The following DYNC2H1 variants were observed in gnomAD, a reference collection of about 807,000 sequenced individuals.
The protein encoded by DYNC2H1 is dynein cytoplasmic 2 heavy chain 1, also known as cytoplasmic dynein 2 heavy chain 1.
Under a neutral mutation model 570.0 loss-of-function variants are expected in DYNC2H1, and 410 were observed. That is an observed-to-expected ratio of 0.72 (90% CI 0.66 to 0.78). The LOEUF is 0.78. Among genes scored for constraint, DYNC2H1 ranks in the 30% least tolerant of loss-of-function variants. The pLI is 0.00. For synonymous variants in DYNC2H1, 1,688 were observed against 1,677.6 expected (o/e 1.01, Z -0.15); for missense variants, 4,865 against 5,046.4 (o/e 0.96, Z 1.09).
chr11:103,350,651 G>T (rs1351758882), intron 82 of DYNC2H1, among the ~76,000 whole-genome samples: 2 of 152,202 alleles, frequency 1.3e-5, no homozygotes, highest in Admixed American at 1.3e-4. Flanking sequence ...TTGGGGGCTA[G>T]AAGTCTGAAA....
At chr11:103,235,287 A>G (rs1864178646) in intron 61 of DYNC2H1, among the ~76,000 whole-genome samples, 1 of 151,838 alleles carries the variant, frequency 6.6e-6, no homozygotes, top group Non-Finnish European at 1.5e-5. Flanking sequence ...TTTATTTACA[A>G]TAACCTTTTT....
Position 103,116,245 on chromosome 11 carries a change from G to A in DYNC2H1, c.622-325G>A, listed in dbSNP as rs1858388044. ...TGAATAAAGACATGCGAACTACAGT[G>A]GGTAGTGTATATGTGGAGTTGAGAT... On this transcript the variant is annotated intron_variant, in intron 4 of 88. Coordinates refer to ENST00000375735, the MANE Select transcript of DYNC2H1 (RefSeq NM_001377.3). Among the ~76,000 whole-genome samples, 3 of 152,106 alleles carry A rather than the reference G, an allele frequency of 2.0e-5. No individual in the cohort carries two copies. The South Asian group carries it at 6.2e-4, about 32-fold the overall frequency.
intron 75 of DYNC2H1, among the ~76,000 whole-genome samples, chr11:103,288,320 A>C (rs1866433258): frequency 6.6e-6 from 1 of 152,086 alleles, no homozygotes; most frequent in Non-Finnish European, 1.5e-5. Context: ...ATTAAAACTG[A>C]GGTAATTATG....
intron 86 of DYNC2H1, 118 bp downstream of exon 86, chr11:103,455,413 T>C (rs1944753120): frequency 1.3e-6 from 1 of 791,100 alleles, no homozygotes; most frequent in Admixed American, 2.2e-5. Context: ...GAAACACAGT[T>C]ATGTTATTTT....
intron 75 of DYNC2H1, among the ~76,000 whole-genome samples, chr11:103,294,059 A>G (rs1438995758): frequency 6.6e-6 from 1 of 152,226 alleles, no homozygotes; most frequent in African/African-American, 2.4e-5. Flanking sequence ...AGCCTGGGCT[A>G]GTGAGAGTGT....
intron 72 of DYNC2H1, 143 bp downstream of exon 72, chr11:103,282,372 A>C: frequency 4.3e-6 from 3 of 696,628 alleles, no homozygotes; most frequent in Non-Finnish European, 7.1e-6. Flanking sequence ...TGGCCTCTTA[A>C]GTATTTCCTA....
rs1210943469 is a variant in DYNC2H1, at chr11:103,228,846, C to T, written c.9354-2414C>T. On this transcript the variant is annotated intron_variant, in intron 59 of 88. Coordinates refer to ENST00000375735, the MANE Select transcript of DYNC2H1 (RefSeq NM_001377.3). This position sits in a 1 kb window ranked among gnomAD's most constrained non-coding sequence, Gnocchi z 6.1. ...GCTACCAGGGTGGGTAGAGAAAGAACACCTGGTGGGGGCAGGGATAGATGT... is the reference window on the plus strand; with the variant it reads ...GCTACCAGGGTGGGTAGAGAAAGAATACCTGGTGGGGGCAGGGATAGATGT... Among the ~76,000 whole-genome samples, 1 of 152,114 alleles carries T rather than the reference C, an allele frequency of 6.6e-6. No homozygotes were observed. Among genetic ancestry groups the T allele is most frequent in the Admixed American group, 6.6e-5 (1 of 15,266 alleles).
intron 60 of DYNC2H1, among the ~76,000 whole-genome samples, chr11:103,232,614 A>G (rs557987114): frequency 1.3e-5 from 2 of 152,130 alleles, no homozygotes; most frequent in Non-Finnish European, 2.9e-5. Flanking sequence ...TAACAGTCTT[A>G]TTTTCTTATA....
intron 82 of DYNC2H1, among the ~76,000 whole-genome samples, chr11:103,351,707 CTG>C (rs1333651785): frequency 1.2e-4 from 19 of 152,044 alleles, no homozygotes; most frequent in Admixed American, 1.2e-3. Flanking sequence ...TTTCTTGAAT[CTG>C]TGTTCAGGAG....
chr11:103,348,484 T>C (rs1939868765), intron 82 of DYNC2H1, among the ~76,000 whole-genome samples: 1 of 152,140 alleles, frequency 6.6e-6, no homozygotes, highest in African/African-American at 2.4e-5. Flanking sequence ...CAACCACTGA[T>C]TTCTTTTTTA....
Position 103,399,849 on chromosome 11 carries a change from G to A in DYNC2H1, c.12343G>A (p.Ala4115Thr). The A allele has an allele frequency of 1.2e-6, 2 of 1,613,620 alleles. No individual in the cohort carries two copies. Among genetic ancestry groups the A allele is most frequent in the Admixed American group, 1.7e-5 (1 of 59,968 alleles). ...TLLSSEVQKL[A>T]SALLNQKCPL... ...ACTGAGTTCAGAAGTACAAAAATTG[G>A]CAAGTGCTTTATTAAACCAAAAGGT... The change falls in exon 84 of 89, where the codon GCA becomes ACA. Residue 4115 changes from alanine to threonine, a missense_variant. Ala to Thr is a moderately conservative substitution (Grantham distance 58). This residue lies in a region of DYNC2H1 where 2,401 missense variants were observed against 2,454.6 expected (regional missense o/e 0.98). Transcript: ENST00000375735.
At position 103,244,076 on chromosome 11, in the gene DYNC2H1, C is replaced by T. The variant is rs1400515122; in HGVS notation, c.9918+285C>T. Among the ~76,000 whole-genome samples the T allele has an allele frequency of 6.6e-6, 1 of 152,110 alleles. No individual in the cohort carries two copies. Among genetic ancestry groups the T allele is most frequent in the Non-Finnish European group, 1.5e-5 (1 of 67,990 alleles). ...TAGAGAAACAATTAAAGAAGCTTTGCACTACGTTATGACTAATGACACAAG... is the reference window on the plus strand; with the variant it reads ...TAGAGAAACAATTAAAGAAGCTTTGTACTACGTTATGACTAATGACACAAG... On this transcript the variant is annotated intron_variant, in intron 64 of 88. Transcript: ENST00000375735. This position sits in a 1 kb window ranked among gnomAD's most constrained non-coding sequence, Gnocchi z 4.3.
chr11:103,235,963 A>G, intron 62 of DYNC2H1, 150 bp downstream of exon 62: 1 of 966,542 alleles, frequency 1.0e-6, no homozygotes, highest in Non-Finnish European at 1.4e-6. Context: ...AGGATACCCT[A>G]GCTACTTTAG....
At chr11:103,307,677 C>T (rs993228542) in intron 77 of DYNC2H1, 44 bp from the exon 78 acceptor site, 9 of 1,047,752 alleles carry the variant, frequency 8.6e-6, no homozygotes, top group Non-Finnish European at 1.2e-5. Flanking sequence ...GAGAAACTTT[C>T]ATATATATTT....
chr11:103,467,614 T>C (rs1340216916), intron 87 of DYNC2H1, among the ~76,000 whole-genome samples: 9 of 152,196 alleles, frequency 5.9e-5, no homozygotes, highest in Non-Finnish European at 1.5e-5. Flanking sequence ...CTCGGCTCAC[T>C]GCAAGCTCCG....
rs146333530 is a variant in DYNC2H1 at position 103,466,451 on chromosome 11, A to C, written c.12649-2138A>C. 5.0e-3 allele frequency among the ~76,000 whole-genome samples: 757 copies of C among 152,306 alleles called. 6 individuals carry two copies. The highest frequency in any genetic ancestry group is 0.017 in the African/African-American group (706 of 41,576). ...ACCCTGAAATTAAAGATACCATAGAAAGTGAAAACACAGGCCACAGACTAG... is the reference window on the plus strand; with the variant it reads ...ACCCTGAAATTAAAGATACCATAGACAGTGAAAACACAGGCCACAGACTAG... On this transcript the variant is annotated intron_variant, in intron 87 of 88. Coordinates refer to ENST00000375735, the MANE Select transcript of DYNC2H1 (RefSeq NM_001377.3).
intron 63 of DYNC2H1, among the ~76,000 whole-genome samples, chr11:103,237,828 AT>A (rs1341244988): frequency 2.0e-5 from 3 of 151,922 alleles, no homozygotes; most frequent in Admixed American, 6.6e-5. Flanking sequence ...TATCAGAATA[AT>A]TTTTTTACCA....
chr11:103,168,383 G>A (rs1300547230), intron 31 of DYNC2H1, among the ~76,000 whole-genome samples: 3 of 152,098 alleles, frequency 2.0e-5, no homozygotes, highest in Non-Finnish European at 4.4e-5. Flanking sequence ...TCTAATTCTG[G>A]TCTTCCTCAA....
intron 6 of DYNC2H1, among the ~76,000 whole-genome samples, chr11:103,118,584 CA>C (rs1306756248): frequency 1.3e-5 from 2 of 151,970 alleles, no homozygotes; most frequent in Admixed American, 1.3e-4. Flanking sequence ...AACATAACCA[CA>C]ATGCCATTAT....
Sources: gnomAD v4.1 joint callset for allele counts (sites outside exome capture counted in the v4.1 genomes callset) on GRCh38, gnomAD v4.1.1 for gene constraint, gnomAD v4.1.1 regional missense constraint, Gnocchi (gnomAD v3.1) non-coding constraint, MANE v1.5 for transcripts, NCBI Gene and HGNC (gene_info 2026-07-23, HGNC 2026-07-21) for gene names.